The following BRWD1 variants were observed in gnomAD, a reference collection of about 807,000 sequenced individuals.
The protein encoded by BRWD1 is bromodomain and WD repeat-containing protein 1.
Under a neutral mutation model 251.2 loss-of-function variants are expected in BRWD1, and 82 were observed. The ratio of observed to expected loss-of-function variants is 0.33; its 90% CI spans 0.27 to 0.39. BRWD1 has a LOEUF of 0.39. Among genes scored for constraint, BRWD1 ranks in the 10% least tolerant of loss-of-function variants. The pLI, the probability that BRWD1 is intolerant of heterozygous loss-of-function variation, is 1.00. For missense variants in BRWD1, 2,233 were observed against 2,711.6 expected (o/e 0.82, Z 3.92); for synonymous variants, 918 against 902.8 (o/e 1.02, Z -0.30).
chr21:39,271,667 AGCCTGGGCAACAGAGCAAGACTCCG>A, intron 13 of BRWD1, among the ~76,000 whole-genome samples: 2 of 130,852 alleles, frequency 1.5e-5, no homozygotes, highest in East Asian at 2.2e-4. Context: ...ACTGCACTCC[AGCCTGGGCAACAGAGCAAGACTCCG>A]TCTCAAAAAA....
chr21:39,302,835 G>C (rs1205218888), intron 4 of BRWD1, among the ~76,000 whole-genome samples: 1 of 150,474 alleles, frequency 6.6e-6, no homozygotes, highest in South Asian at 2.1e-4. Flanking sequence ...CCAGACAGGC[G>C]GATCACTTGA....
At chr21:39,293,551 A>G (rs1375717972) in intron 8 of BRWD1, among the ~76,000 whole-genome samples, 1 of 152,034 alleles carries the variant, frequency 6.6e-6, no homozygotes, top group African/African-American at 2.4e-5. Flanking sequence ...AAAAATAATT[A>G]ATCTATCACC....
chr21:39,188,822 T>C lies in BRWD1; in HGVS notation c.*7437A>G. On this transcript the variant is annotated 3_prime_UTR_variant, in exon 41 of 41. Transcript: ENST00000342449. ...TCCTTTTGCCAACTAACTTATGTGA[T>C]TCACATGTTTTTCCAGTGAAATTCT... The C allele has an allele frequency of 3.0e-6, 3 of 985,448 alleles. No individual in the cohort carries two copies. The highest frequency in any genetic ancestry group is 3.6e-6 in the Non-Finnish European group (3 of 829,926). The allele number at this position is 985,448 out of a possible 1,614,324, so 61.0% of individuals were successfully genotyped here.
At chr21:39,224,159 G>A (rs1984022) in intron 29 of BRWD1, among the ~76,000 whole-genome samples, 46,009 of 152,070 alleles carry the variant, frequency 0.3, 7,450 homozygotes, top group Middle Eastern at 0.36. Flanking sequence ...CAGGAGTTAA[G>A]TTTAATGCAG....
intron 8 of BRWD1, among the ~76,000 whole-genome samples, chr21:39,287,861 A>C (rs1023139819): frequency 6.6e-6 from 1 of 152,114 alleles, no homozygotes; most frequent in Non-Finnish European, 1.5e-5. Context: ...ATTGGGTGTA[A>C]ATTTCCCCTT....
intron 27 of BRWD1, among the ~76,000 whole-genome samples, chr21:39,227,387 C>G (rs565687155): frequency 6.6e-6 from 1 of 152,084 alleles, no homozygotes; most frequent in East Asian, 1.9e-4. Flanking sequence ...AAAACAGGTA[C>G]TACAGTTACT....
rs1168166919 is a variant in BRWD1 at position 39,243,743 on chromosome 21, C to T, written c.2481+3958G>A. ...TGAGAATTACAGGCATGAGACACTG[C>T]ACCCAGCCTGATTTTGATAATTATA... On this transcript the variant is annotated intron_variant, in intron 21 of 40. Coordinates refer to ENST00000342449, the MANE Select transcript of BRWD1 (RefSeq NM_033656.4). Among the ~76,000 whole-genome samples the T allele has an allele frequency of 2.0e-5, 3 of 152,160 alleles. No individual in the cohort carries two copies. In the East Asian group the frequency reaches 5.8e-4, roughly 29 times the overall value.
rs1226024891 is a variant in BRWD1 at position 39,312,981 on chromosome 21, CGGGCGGCGGGCGGG to C, written c.138+77_139-82del. On this transcript the variant is annotated intron_variant, in intron 3 of 40. Transcript: ENST00000342449. Reference sequence around the variant, plus strand: ...GGGGCGGGGGGCCGGGGGCGGGCGGCGGGCGGCGGGCGGGGGGCGCGGGCGAGCATCCCTCAGGG... The same window carrying C: ...GGGGCGGGGGGCCGGGGGCGGGCGGCGGGCGCGGGCGAGCATCCCTCAGGG... 1.5e-4 allele frequency: 83 copies of C among 569,822 alleles called. 3 individuals are homozygous for C. The East Asian group carries it at 2.5e-3, about 17-fold the overall frequency. The allele number at this position is 569,822 out of a possible 1,614,324, so 35.3% of individuals were successfully genotyped here.
At chr21:39,214,978 A>G (rs977818647) in intron 32 of BRWD1, among the ~76,000 whole-genome samples, 9 of 148,350 alleles carry the variant, frequency 6.1e-5, no homozygotes, top group Admixed American at 1.4e-4. Context: ...TGTAACCACC[A>G]CCTCCTGGGT....
rs1348625156 is a variant in BRWD1, at chr21:39,258,659, C to A, written c.1899G>T (p.Val633=). ...LGYVATSDGE[V]IEQIISLQTN... ...TTTGCAGGCTTATAATTTGTTCAAT[C>A]ACCTCTCCATCACCTACAAATTCAA... The change falls in exon 18 of 41, where the codon GTG becomes GTT. Residue 633 remains valine (V), a synonymous_variant. Coordinates refer to ENST00000342449, the MANE Select transcript of BRWD1 (RefSeq NM_033656.4). The A allele has an allele frequency of 6.3e-7, 1 of 1,599,658 alleles. No individual in the cohort carries two copies. The highest frequency in any genetic ancestry group is 8.5e-7 in the Non-Finnish European group (1 of 1,173,004).
rs377502846 is a variant in BRWD1 at position 39,282,026 on chromosome 21, G to A, written c.832-1778C>T. On this transcript the variant is annotated intron_variant, in intron 8 of 40. Transcript: ENST00000342449. ...CACATATGTCAACATATACGTCTAT[G>A]TATAAGTATATGTATGTACATATGT... Among the ~76,000 whole-genome samples, 7 of 151,376 alleles carry A rather than the reference G, an allele frequency of 4.6e-5. No individual in the cohort carries two copies. The South Asian group carries it at 1.5e-3, about 31-fold the overall frequency.
rs2036599573 is a variant in BRWD1, at chr21:39,313,595, C to T, written c.-104G>A. On this transcript the variant is annotated 5_prime_UTR_variant, in exon 1 of 41. Coordinates refer to ENST00000342449, the MANE Select transcript of BRWD1 (RefSeq NM_033656.4). ...GTCCCCTCTTCTCAGGCGCGCGCCG[C>T]CGCCGCCGCCGCCGCCGCCATACCG... 3.8e-6 allele frequency: 3 copies of T among 779,884 alleles called. No homozygotes were observed. The highest frequency in any genetic ancestry group is 5.1e-6 in the Non-Finnish European group (3 of 589,130). 48.3% of individuals were successfully genotyped at this position (779,884 alleles called of 1,614,324 possible). A position where few individuals can be genotyped will look rare whatever the true frequency, so the allele number is the denominator to read the frequency against.
chr21:39,265,390 A>C (rs2034888497), intron 15 of BRWD1, among the ~76,000 whole-genome samples: 1 of 152,156 alleles, frequency 6.6e-6, no homozygotes, highest in Non-Finnish European at 1.5e-5. Context: ...GCACCACTGT[A>C]CTCCACTGCA....
chr21:39,313,278 C>G lies in BRWD1; in HGVS notation c.71G>C (p.Arg24Pro). Residue 24 changes from arginine (R) to proline (P), a missense_variant, in exon 2 of 41, where the codon CGG becomes CCG. By Grantham distance (103) the Arg-to-Pro change is moderately radical. This residue lies in a region of BRWD1 where 101 missense variants were observed against 95.6 expected (regional missense o/e 1.06). Transcript: ENST00000342449. ...CCGACACGGGCCCGCCGATAGGTAC[C>G]GGGCGATAAGGAAGTACAGCTCTGC... ...IESELYFLIARYLSAGPCRRA... is the reference protein window; with the variant it reads ...IESELYFLIAPYLSAGPCRRA... 1 of 1,558,888 alleles carries G rather than the reference C, an allele frequency of 6.4e-7. No individual in the cohort carries two copies. Among genetic ancestry groups the G allele is most frequent in the Non-Finnish European group, 8.7e-7 (1 of 1,147,344 alleles).
chr21:39,308,605 C>T (rs2036365258), intron 4 of BRWD1, among the ~76,000 whole-genome samples: 1 of 151,818 alleles, frequency 6.6e-6, no homozygotes, highest in Non-Finnish European at 1.5e-5. Context: ...ATACTAGAAT[C>T]ATCTAAAAAG....
intron 40 of BRWD1, among the ~76,000 whole-genome samples, chr21:39,198,349 T>C (rs1311847471): frequency 6.6e-6 from 1 of 152,210 alleles, no homozygotes; most frequent in East Asian, 1.9e-4. Context: ...AGTAACTGTT[T>C]TATTTGCTAT....
At position 39,257,454 on chromosome 21, in the gene BRWD1, G is replaced by A. The variant is rs151191439; in HGVS notation, c.2071+1033C>T. Among the ~76,000 whole-genome samples, 465 of 152,184 alleles carry A rather than the reference G, an allele frequency of 3.1e-3. 9 individuals are homozygous for A. The highest frequency in any genetic ancestry group is 0.026 in the Admixed American group (391 of 15,280). ...ATCTTGTGAAAACAACAGGCCTGAA[G>A]CTTTCCAAAGTACCAGTGCTCTGAG... On this transcript the variant is annotated intron_variant, in intron 18 of 40. Transcript: ENST00000342449.
rs145545969 is a variant in BRWD1 at position 39,196,459 on chromosome 21, G to A, written c.6610C>T (p.Arg2204Cys). 177 of 1,613,038 alleles carry A rather than the reference G, an allele frequency of 1.1e-4. No homozygotes were observed. The highest frequency in any genetic ancestry group is 3.8e-4 in the South Asian group (35 of 90,950). The change falls in exon 41 of 41, where the codon CGT becomes TGT. Residue 2204 changes from arginine (R) to cysteine (C), a missense_variant. Physicochemically the swap from Arg to Cys is radical, Grantham distance 180. Around this residue, in one of 12 missense-constraint regions of BRWD1, gnomAD observed 928 missense variants for 970.0 expected, o/e 0.96. Coordinates refer to ENST00000342449, the MANE Select transcript of BRWD1 (RefSeq NM_033656.4). ...CTAGGGCGTTTGCTTTGTCTTTGAC[G>A]TCTCACAGTTTTAGATATGTTAGCT... ...FTANISKTVR[R>C]QRQSKRPRLS...
intron 22 of BRWD1, among the ~76,000 whole-genome samples, chr21:39,237,104 CA>C (rs1424174697): frequency 1.3e-5 from 2 of 152,080 alleles, no homozygotes; most frequent in East Asian, 3.9e-4. Context: ...GGAAACAAAA[CA>C]CAGACTTATA....
Sources: allele counts gnomAD v4.1 joint callset (sites outside exome capture counted in the v4.1 genomes callset), GRCh38; gene constraint gnomAD v4.1.1; regional missense constraint gnomAD v4.1.1; transcripts MANE v1.5; gene names NCBI Gene and HGNC (gene_info 2026-07-23, HGNC 2026-07-21).